PIK3CA: variants seen among roughly 807,000 people sequenced by gnomAD.
The protein encoded by PIK3CA is phosphatidylinositol 4,5-bisphosphate 3-kinase catalytic subunit alpha isoform.
PIK3CA carries 27 observed loss-of-function variants against 138.2 expected under a neutral mutation model. The observed-to-expected ratio is 0.20, with a 90% CI of 0.14 to 0.27. The LOEUF is 0.27. Ranked by LOEUF, PIK3CA falls within the 10% of genes least tolerant of loss-of-function variation. The probability of loss-of-function intolerance (pLI) is 1.00; values close to 1 mark genes in which losing one functional copy is unlikely to be tolerated. For synonymous variants in PIK3CA, 358 were observed against 413.2 expected (o/e 0.87, Z 1.62); for missense variants, 544 against 1,277.4 (o/e 0.43, Z 8.75).
At chr3:179,224,645 G>T (rs2108417606) in intron 15 of PIK3CA, 55 bp from the exon 16 acceptor site, 2 of 1,188,588 alleles carry the variant, frequency 1.7e-6, no homozygotes, top group South Asian at 1.7e-5. Flanking sequence ...ATAAATTTCA[G>T]GGTAAAATAA....
chr3:179,153,067 C>G, intron 1 of PIK3CA, among the ~76,000 whole-genome samples: 1 of 152,232 alleles, frequency 6.6e-6, no homozygotes, highest in East Asian at 1.9e-4. Context: ...GGTGAAGTCT[C>G]TGTTCACCAA....
chr3:179,179,205 A>G (rs1162207971), intron 1 of PIK3CA, among the ~76,000 whole-genome samples: 3 of 152,262 alleles, frequency 2.0e-5, no homozygotes, highest in African/African-American at 7.2e-5. Context: ...AAATTGATGT[A>G]GGAATTTTGA....
rs1014568941 is a variant in PIK3CA, at chr3:179,220,697, G to T, written c.2016-289G>T. Among the ~76,000 whole-genome samples, 11 of 151,974 alleles carry T rather than the reference G, an allele frequency of 7.2e-5. No homozygotes were observed. Among genetic ancestry groups the T allele is most frequent in the African/African-American group, 2.7e-4 (11 of 41,394 alleles). On this transcript the variant is annotated intron_variant, in intron 13 of 20. Coordinates refer to ENST00000263967, the MANE Select transcript of PIK3CA (RefSeq NM_006218.4). This position sits in a 1 kb window ranked among gnomAD's most constrained non-coding sequence, Gnocchi z 4.1. ...TCCCTCTTCATTTGATTATTTTTGTGCTCAATTTCCTTTTTTCATGTTTTT... is the reference window on the plus strand; with the variant it reads ...TCCCTCTTCATTTGATTATTTTTGTTCTCAATTTCCTTTTTTCATGTTTTT...
At chr3:179,202,963 C>T (rs1353289115) in intron 4 of PIK3CA, among the ~76,000 whole-genome samples, 7 of 122,470 alleles carry the variant, frequency 5.7e-5, no homozygotes, top group Admixed American at 4.5e-4. Flanking sequence ...TTTTTTGAGA[C>T]GGAGTCTTGC....
Position 179,218,354 on chromosome 3 carries a change from T to G in PIK3CA, c.1664+20T>G, listed in dbSNP as rs762135731. 6.3e-7 allele frequency: 1 copy of G among 1,582,796 alleles called. No individual in the cohort carries two copies. The highest frequency in any genetic ancestry group is 8.6e-7 in the Non-Finnish European group (1 of 1,164,058). ...TCACAGGTAAGTGCTAAAATGGAGA[T>G]TCTCTGTTTCTTTTTCTTTATTACA... On this transcript the variant is annotated intron_variant, in intron 10 of 20. Coordinates refer to ENST00000263967, the MANE Select transcript of PIK3CA (RefSeq NM_006218.4).
chr3:179,224,474 T>C (rs771868820), intron 15 of PIK3CA, among the ~76,000 whole-genome samples: 2 of 140,308 alleles, frequency 1.4e-5, no homozygotes, highest in Non-Finnish European at 3.1e-5. Flanking sequence ...ACTAATGATA[T>C]ATCTCTATAT....
chr3:179,188,913 T>G (rs948112519), intron 1 of PIK3CA, among the ~76,000 whole-genome samples: 8 of 152,138 alleles, frequency 5.3e-5, no homozygotes, highest in African/African-American at 1.4e-4. Context: ...GAAATTTGAA[T>G]TTTTAAAATT....
At chr3:179,226,472 T>C (rs1725085199) in intron 17 of PIK3CA, among the ~76,000 whole-genome samples, 1 of 152,170 alleles carries the variant, frequency 6.6e-6, no homozygotes, top group African/African-American at 2.4e-5. Context: ...TGTTGGTTTC[T>C]ACCCAACTTT....
chr3:179,157,066 T>C (rs575281715), intron 1 of PIK3CA, among the ~76,000 whole-genome samples: 1 of 152,248 alleles, frequency 6.6e-6, no homozygotes, highest in East Asian at 1.9e-4. Flanking sequence ...GGAAAAAATA[T>C]TGAAATTAGA....
At chr3:179,164,918 A>G (rs560354041) in intron 1 of PIK3CA, among the ~76,000 whole-genome samples, 32 of 152,164 alleles carry the variant, frequency 2.1e-4, no homozygotes, top group African/African-American at 5.8e-4. Context: ...CCTTGATTCT[A>G]TCCCTTTTGA....
chr3:179,179,588 T>C lies in PIK3CA; in HGVS notation c.-76-19162T>C, dbSNP rs372736596. Among the ~76,000 whole-genome samples the C allele has an allele frequency of 8.5e-5, 13 of 152,262 alleles. No individual in the cohort carries two copies. In the South Asian group the frequency reaches 2.7e-3, roughly 32 times the overall value. On this transcript the variant is annotated intron_variant, in intron 1 of 20. Transcript: ENST00000263967. ...TTGTTTTGTGCAGTGGTTACGTGGGTGTAAGAAGTTGTCAAAAGTCATCAA... is the reference window on the plus strand; with the variant it reads ...TTGTTTTGTGCAGTGGTTACGTGGGCGTAAGAAGTTGTCAAAAGTCATCAA...
chr3:179,234,504 T>A lies in PIK3CA; in HGVS notation c.*140T>A, dbSNP rs2108430613. On this transcript the variant is annotated 3_prime_UTR_variant, in exon 21 of 21. Coordinates refer to ENST00000263967, the MANE Select transcript of PIK3CA (RefSeq NM_006218.4). The surrounding 1 kb of genome is among the most constrained non-coding windows in gnomAD (Gnocchi z 5.1). ...ATTTACAGCAAGAACAGAAATAAAA[T>A]ACTATATAATTTAAATAATGTAAAC... 1 of 571,728 alleles carries A rather than the reference T, an allele frequency of 1.7e-6. No homozygotes were observed. The highest frequency in any genetic ancestry group is 2.9e-6 in the Non-Finnish European group (1 of 348,130). 35.4% of individuals were successfully genotyped at this position (571,728 alleles called of 1,614,324 possible). A position where few individuals can be genotyped will look rare whatever the true frequency, so the allele number is the denominator to read the frequency against.
intron 3 of PIK3CA, among the ~76,000 whole-genome samples, chr3:179,200,284 A>G (rs1244591267): frequency 1.3e-5 from 2 of 152,084 alleles, no homozygotes; most frequent in Non-Finnish European, 2.9e-5. Flanking sequence ...TATCATAAAT[A>G]CACCAGAAAA....
At chr3:179,227,551 C>T (rs1446352433) in intron 17 of PIK3CA, among the ~76,000 whole-genome samples, 4 of 151,710 alleles carry the variant, frequency 2.6e-5, no homozygotes, top group African/African-American at 2.4e-5. Flanking sequence ...AAGAATAAGG[C>T]CTGTGAAAAA....
At chr3:179,211,537 T>C in intron 9 of PIK3CA, among the ~76,000 whole-genome samples, 1 of 152,156 alleles carries the variant, frequency 6.6e-6, no homozygotes, top group East Asian at 1.9e-4. Flanking sequence ...TGTGGTGGCA[T>C]GTGCCTGTAA....
chr3:179,210,586 T>C, intron 9 of PIK3CA, 21 bp downstream of exon 9: 1 of 1,609,178 alleles, frequency 6.2e-7, no homozygotes, highest in African/African-American at 1.3e-5. Flanking sequence ...TCACTGAGTT[T>C]ATTAAGTATC....
intron 1 of PIK3CA, among the ~76,000 whole-genome samples, chr3:179,187,361 C>T (rs1030427588): frequency 2.0e-5 from 3 of 151,572 alleles, no homozygotes; most frequent in Non-Finnish European, 4.4e-5. Context: ...CACGGTGAAA[C>T]CCCGTCTCTA....
At chr3:179,159,045 A>C (rs1358018058) in intron 1 of PIK3CA, among the ~76,000 whole-genome samples, 1 of 151,576 alleles carries the variant, frequency 6.6e-6, no homozygotes, top group Non-Finnish European at 1.5e-5. Context: ...ATAATAGTAA[A>C]ATCTACACAC....
chr3:179,164,241 T>G (rs1723357415), intron 1 of PIK3CA, among the ~76,000 whole-genome samples: 1 of 152,162 alleles, frequency 6.6e-6, no homozygotes, highest in Admixed American at 6.5e-5. Flanking sequence ...ATATGGTGTC[T>G]TAGGTACGTT....
Sources: allele counts gnomAD v4.1 joint callset (sites outside exome capture counted in the v4.1 genomes callset), GRCh38; gene constraint gnomAD v4.1.1; non-coding constraint Gnocchi (gnomAD v3.1); transcripts MANE v1.5; gene names NCBI Gene and HGNC (gene_info 2026-07-23, HGNC 2026-07-21).